The following SLFN5 variants were observed in gnomAD, a reference collection of about 807,000 sequenced individuals.
SLFN5 encodes schlafen family member 5.
SLFN5 carries 34 observed loss-of-function variants against 48.5 expected under a neutral mutation model. The observed-to-expected ratio is 0.70, with a 90% CI of 0.53 to 0.93. The LOEUF (loss-of-function observed/expected upper bound fraction) is 0.93, where lower values mean the gene tolerates loss of function less well. SLFN5 is among the 40% of genes least tolerant of loss of function. The pLI, the probability that SLFN5 is intolerant of heterozygous loss-of-function variation, is 0.00. For missense variants in SLFN5, 1,006 were observed against 1,071.3 expected (o/e 0.94, Z 0.85); for synonymous variants, 387 against 396.2 (o/e 0.98, Z 0.28).
chr17:35,259,899 T>C, intron 2 of SLFN5, 197 bp downstream of exon 2: 1 of 655,062 alleles, frequency 1.5e-6, no homozygotes, highest in Non-Finnish European at 2.5e-6. Flanking sequence ...CCATCTTAAA[T>C]AGTCTTCATT....
At position 35,265,956 on chromosome 17, in the gene SLFN5, C is replaced by A. The variant is rs1904673054; in HGVS notation, c.*68C>A. The A allele has an allele frequency of 2.7e-6, 4 of 1,454,588 alleles. No individual in the cohort carries two copies. The allele number at this position is 1,454,588 out of a possible 1,614,324, so 90.1% of individuals were successfully genotyped here. On this transcript the variant is annotated 3_prime_UTR_variant, in exon 5 of 5. Transcript: ENST00000299977. ...CTAATTAACTGTGAAACCATTTAAT[C>A]CAAACATGTAAGCACACACTCACTT...
Position 35,265,699 on chromosome 17 carries a change from C to T in SLFN5, c.2487C>T (p.Ile829=), listed in dbSNP as rs772311259. ...LHEESDLLLQ[I]GDASDVLTDH... Reference sequence around the variant, plus strand: ...AGGAGTCTGATCTGTTACTACAGATCGGTGATGCGTCGGATGTTCTAACCG... The same window carrying T: ...AGGAGTCTGATCTGTTACTACAGATTGGTGATGCGTCGGATGTTCTAACCG... Residue 829 remains isoleucine (I), a synonymous_variant, in exon 5 of 5, where the codon ATC becomes ATT. Transcript: ENST00000299977. The T allele has an allele frequency of 1.9e-6, 3 of 1,614,154 alleles. No homozygotes were observed. Among genetic ancestry groups the T allele is most frequent in the South Asian group, 1.1e-5 (1 of 91,084 alleles).
At position 35,271,452 on chromosome 17, in the gene SLFN5, G is replaced by A. The variant is rs1198770121; in HGVS notation, c.*5564G>A. ...TGCCTATTATGTCAGACTACATGTA[G>A]TTAGAAAATACGATGAAAGAAAAAG... On this transcript the variant is annotated 3_prime_UTR_variant, in exon 5 of 5. Transcript: ENST00000299977. The A allele has an allele frequency of 1.3e-5, 2 of 152,054 alleles. No homozygotes were observed. The highest frequency in any genetic ancestry group is 2.9e-5 in the Non-Finnish European group (2 of 68,018). 9.4% of individuals were successfully genotyped at this position (152,054 alleles called of 1,614,324 possible). A position where few individuals can be genotyped will look rare whatever the true frequency, so the allele number is the denominator to read the frequency against.
At chr17:35,244,413 G>A (rs552891423) in intron 1 of SLFN5, among the ~76,000 whole-genome samples, 4 of 152,018 alleles carry the variant, frequency 2.6e-5, no homozygotes, top group African/African-American at 4.8e-5. Flanking sequence ...GTGGGAGGGC[G>A]TTGGTTTAGA....
Position 35,265,851 on chromosome 17 carries a change from C to A in SLFN5, c.2639C>A (p.Ala880Glu), listed in dbSNP as rs1351737541. 2 of 1,605,944 alleles carry A rather than the reference C, an allele frequency of 1.2e-6. No homozygotes were observed. Among genetic ancestry groups the A allele is most frequent in the African/African-American group, 1.3e-5 (1 of 74,164 alleles). ...CTTCTGCTCTGTTTGGCTTCTAGGGCAAAAAGACATCTGTATATTCTGAAG... is the reference window on the plus strand; with the variant it reads ...CTTCTGCTCTGTTTGGCTTCTAGGGAAAAAAGACATCTGTATATTCTGAAG... Reference protein sequence around the residue: ...YNLLLCLASRAKRHLYILKAS... With the variant: ...YNLLLCLASREKRHLYILKAS... The change falls in exon 5 of 5, where the codon GCA (alanine) becomes GAA (glutamate). Residue 880 changes from alanine to glutamate, a missense_variant. Coordinates refer to ENST00000299977, the MANE Select transcript of SLFN5 (RefSeq NM_144975.4).
intron 1 of SLFN5, among the ~76,000 whole-genome samples, chr17:35,255,458 T>C (rs1265230614): frequency 6.6e-6 from 1 of 152,260 alleles, no homozygotes; most frequent in Non-Finnish European, 1.5e-5. Flanking sequence ...TGTGTATGCG[T>C]GCGCACATGT....
In SLFN5 at chr17:35,260,997, C is replaced by T; in HGVS notation, c.1039C>T (p.Leu347Phe). The T allele has an allele frequency of 1.2e-6, 2 of 1,613,912 alleles. No individual in the cohort carries two copies. The highest frequency in any genetic ancestry group is 1.7e-6 in the Non-Finnish European group (2 of 1,179,888). The change falls in exon 3 of 5, where the codon CTC becomes TTC. Residue 347 changes from leucine (L) to phenylalanine (F), a missense_variant. Leu to Phe is a conservative substitution (Grantham distance 22, BLOSUM62 0). Coordinates refer to ENST00000299977, the MANE Select transcript of SLFN5 (RefSeq NM_144975.4). ...PDLSRCPEMV[L>F]QLSLSSATPR... ...CCTTTCCAGGTGTCCTGAGATGGTT[C>T]TCCAGTTGAGTTTGTCATCTGCCAC... is the stretch of plus-strand genomic sequence containing the variant.
At chr17:35,252,796 A>C (rs1021064861) in intron 1 of SLFN5, among the ~76,000 whole-genome samples, 2 of 152,060 alleles carry the variant, frequency 1.3e-5, no homozygotes, top group Non-Finnish European at 1.5e-5. Context: ...TCATGAATGT[A>C]GTTTTGAAAA....
intron 2 of SLFN5, among the ~76,000 whole-genome samples, 179 bp from the exon 3 acceptor site, chr17:35,260,792 G>C (rs1463887405): frequency 6.6e-6 from 1 of 152,144 alleles, no homozygotes; most frequent in Non-Finnish European, 1.5e-5. Flanking sequence ...TTTATGCTAG[G>C]TTATTTTTTC....
In SLFN5 at chr17:35,265,803, C is replaced by A. The variant is rs763823601; in HGVS notation, c.2591C>A (p.Ala864Asp). The A allele has an allele frequency of 2.6e-5, 42 of 1,614,022 alleles. No individual in the cohort carries two copies. The Admixed American group carries it at 7.0e-4, about 27-fold the overall frequency. ...NIVFGINPGV[A>D]PPAGAYNLLL... ...GTGTTTGGAATCAATCCAGGAGTAGCCCCACCGGCTGGGGCCTACAATCTT... is the reference window on the plus strand; with the variant it reads ...GTGTTTGGAATCAATCCAGGAGTAGACCCACCGGCTGGGGCCTACAATCTT... Residue 864 changes from alanine (A) to aspartate (D), a missense_variant, in exon 5 of 5, where the codon GCC (alanine) becomes GAC (aspartate). Transcript: ENST00000299977.
chr17:35,243,993 G>A (rs765798507), intron 1 of SLFN5, among the ~76,000 whole-genome samples: 3 of 152,090 alleles, frequency 2.0e-5, no homozygotes, highest in Non-Finnish European at 4.4e-5. Context: ...AGGGAACCTC[G>A]GGGAAAAGTC....
At position 35,259,411 on chromosome 17, in the gene SLFN5, T is replaced by C. The variant is rs1461448364; in HGVS notation, c.721T>C (p.Cys241Arg). 1.9e-6 allele frequency: 3 copies of C among 1,614,048 alleles called. No individual in the cohort carries two copies. Among genetic ancestry groups the C allele is most frequent in the Admixed American group, 3.3e-5 (2 of 59,998 alleles). The change falls in exon 2 of 5, where the codon TGT (cysteine) becomes CGT (arginine). Residue 241 changes from cysteine to arginine, a missense_variant. Cys to Arg is a radical substitution (Grantham distance 180). Transcript: ENST00000299977. ...TGATGAGACTTGTCAAGTGATTGGATGTGAAAAAGAGAAAATAGACCTTAC... is the reference window on the plus strand; with the variant it reads ...TGATGAGACTTGTCAAGTGATTGGACGTGAAAAAGAGAAAATAGACCTTAC... Reference protein sequence around the residue: ...VHDETCQVIGCEKEKIDLTSL... With the variant: ...VHDETCQVIGREKEKIDLTSL...
At chr17:35,254,131 T>G (rs561444286) in intron 1 of SLFN5, among the ~76,000 whole-genome samples, 1 of 152,342 alleles carries the variant, frequency 6.6e-6, no homozygotes, top group African/African-American at 2.4e-5. Context: ...CGGTGCCAAA[T>G]AATGCCTTAT....
At chr17:35,263,873 GT>G (rs35107756) in intron 3 of SLFN5, among the ~76,000 whole-genome samples, 14,207 of 151,254 alleles carry the variant, frequency 0.094, 869 homozygotes, top group East Asian at 0.23. Context: ...CAGCTCAGGT[GT>G]TTCCTTCTTC....
chr17:35,250,395 C>T (rs1218225727), intron 1 of SLFN5, among the ~76,000 whole-genome samples: 1 of 152,158 alleles, frequency 6.6e-6, no homozygotes, highest in East Asian at 1.9e-4. Flanking sequence ...CGCGGTGGCT[C>T]ACGCCTGTAA....
chr17:35,265,630 G>C lies in SLFN5; in HGVS notation c.2418G>C (p.Arg806Ser), dbSNP rs528962131. Reference protein sequence around the residue: ...KASEVEKYKDRLLTAMRKRKL... With the variant: ...KASEVEKYKDSLLTAMRKRKL... ...GTGAAGTGGAAAAATATAAAGACAG[G>C]CTTCTAACAGCAATGAGGAAGAGAA... The change falls in exon 5 of 5, where the codon AGG becomes AGC. Residue 806 changes from arginine to serine, a missense_variant. Coordinates refer to ENST00000299977, the MANE Select transcript of SLFN5 (RefSeq NM_144975.4). 2.5e-6 allele frequency: 4 copies of C among 1,614,194 alleles called. No homozygotes were observed. The highest frequency in any genetic ancestry group is 2.5e-6 in the Non-Finnish European group (3 of 1,180,024).
Position 35,260,976 on chromosome 17 carries a change from T to C in SLFN5, c.1018T>C (p.Ser340Pro), listed in dbSNP as rs781037704. Residue 340 changes from serine to proline, a missense_variant, in exon 3 of 5, where the codon TCC becomes CCC. Transcript: ENST00000299977. ...AWMMEADPDL[S>P]RCPEMVLQLS... ...CTTGGTTCTTGTTTCCTAAGACCTT[T>C]CCAGGTGTCCTGAGATGGTTCTCCA... The C allele has an allele frequency of 5.0e-6, 8 of 1,613,654 alleles. No individual in the cohort carries two copies. In the Admixed American group the frequency reaches 6.7e-5, roughly 13 times the overall value.
chr17:35,257,759 G>A (rs1205502697), intron 1 of SLFN5, among the ~76,000 whole-genome samples: 7 of 151,932 alleles, frequency 4.6e-5, no homozygotes, highest in African/African-American at 1.2e-4. Flanking sequence ...GGAAGCTGAC[G>A]TCGTTGCTAT....
At chr17:35,258,489 T>G (rs889200998) in intron 1 of SLFN5, among the ~76,000 whole-genome samples, 162 bp from the exon 2 acceptor site, 42 of 152,082 alleles carry the variant, frequency 2.8e-4, no homozygotes, top group African/African-American at 9.7e-4. Context: ...ATGTGGGAAT[T>G]ATGGGAGCTA....
Sources: gnomAD v4.1 joint callset for allele counts (sites outside exome capture counted in the v4.1 genomes callset) on GRCh38, gnomAD v4.1.1 for gene constraint, MANE v1.5 for transcripts, NCBI Gene and HGNC (gene_info 2026-07-23, HGNC 2026-07-21) for gene names.